The following NCAPH variants were observed in gnomAD, a reference collection of about 807,000 sequenced individuals.
NCAPH encodes the protein condensin complex subunit 2.
NCAPH carries 38 observed loss-of-function variants against 85.5 expected under a neutral mutation model. The observed-to-expected ratio is 0.44, with a 90% CI of 0.34 to 0.58. NCAPH has a LOEUF of 0.58. NCAPH is among the 20% of genes least tolerant of loss of function. The pLI, the probability that NCAPH is intolerant of heterozygous loss-of-function variation, is 0.01. For missense variants in NCAPH, 789 were observed against 916.6 expected (o/e 0.86, Z 1.80); for synonymous variants, 301 against 335.1 (o/e 0.90, Z 1.11).
rs185358237 is a variant in NCAPH, at chr2:96,370,362, C to T, written c.2166+862C>T. 4.6e-4 allele frequency among the ~76,000 whole-genome samples: 70 copies of T among 152,300 alleles called. No homozygotes were observed. The Middle Eastern group carries it at 0.01, about 22-fold the overall frequency. On this transcript the variant is annotated intron_variant, in intron 17 of 17. Transcript: ENST00000240423. Reference sequence around the variant, plus strand: ...CACTGGAGTGCAGTTACTATGTGAACGCCGAAATGTGGTTTTGGAGGGTGA... The same window carrying T: ...CACTGGAGTGCAGTTACTATGTGAATGCCGAAATGTGGTTTTGGAGGGTGA...
At chr2:96,369,399 C>G (rs1271025297) in intron 16 of NCAPH, 26 bp from the exon 17 acceptor site, 3 of 1,600,404 alleles carry the variant, frequency 1.9e-6, no homozygotes, top group African/African-American at 1.3e-5. Flanking sequence ...TGGCAGTGAC[C>G]TAAATACTTG....
Position 96,375,739 on chromosome 2 carries a change from C to T in NCAPH, c.*2388C>T, listed in dbSNP as rs1422171935. 1.3e-5 allele frequency among the ~76,000 whole-genome samples: 2 copies of T among 152,112 alleles called. No individual in the cohort carries two copies. The highest frequency in any genetic ancestry group is 4.8e-5 in the African/African-American group (2 of 41,416). On this transcript the variant is annotated 3_prime_UTR_variant, in exon 18 of 18. Transcript: ENST00000240423. ...GTGTTCTAGGACTGGTGTGACAGTT[C>T]CATGAAATTATGAGAGACCGGGGAT...
intron 1 of NCAPH, 23 bp from the exon 2 acceptor site, chr2:96,341,619 C>G: frequency 6.2e-7 from 1 of 1,603,650 alleles, no homozygotes; most frequent in Non-Finnish European, 8.5e-7. Flanking sequence ...TTGAAGGTTT[C>G]TTGAGCAAGA....
At chr2:96,351,717 G>A in intron 6 of NCAPH, 114 bp from the exon 7 acceptor site, 1 of 710,528 alleles carries the variant, frequency 1.4e-6, no homozygotes, top group South Asian at 3.7e-5. Flanking sequence ...CATGAGTGGA[G>A]ATATTTCAGT....
intron 11 of NCAPH, 85 bp downstream of exon 11, chr2:96,360,334 T>C (rs767026870): frequency 1.1e-4 from 103 of 900,606 alleles, no homozygotes; most frequent in Admixed American, 5.3e-4. Context: ...AATTTAACTG[T>C]TAGAGCAAAC....
In NCAPH at chr2:96,367,160, C is replaced by T. The variant is rs529600482; in HGVS notation, c.1882-97C>T. 4 of 792,910 alleles carry T rather than the reference C, an allele frequency of 5.0e-6. No homozygotes were observed. In the East Asian group the frequency reaches 1.1e-4, roughly 21 times the overall value. The allele number at this position is 792,910 out of a possible 1,614,324, so 49.1% of individuals were successfully genotyped here. On this transcript the variant is annotated intron_variant, in intron 14 of 17. Transcript: ENST00000240423. The stretch of plus-strand genomic sequence containing the variant: ...TAGCTCCTTGGTTGAAACTGGATTC[C>T]TTCTTTAGTTGAACTCCAGACCTTT...
chr2:96,337,586 A>C (rs1044765298), intron 1 of NCAPH, among the ~76,000 whole-genome samples: 11 of 151,858 alleles, frequency 7.2e-5, no homozygotes, highest in Admixed American at 7.2e-4. Flanking sequence ...CGCCCAGCTA[A>C]TTTTTTGTAT....
intron 6 of NCAPH, among the ~76,000 whole-genome samples, chr2:96,349,875 A>T (rs1290501722): frequency 2.6e-5 from 4 of 152,242 alleles, no homozygotes; most frequent in African/African-American, 9.6e-5. Context: ...AGGTCAAGGC[A>T]CATGCTATAG....
Position 96,360,663 on chromosome 2 carries a change from T to C in NCAPH, c.1540T>C (p.Tyr514His). 1 of 1,614,172 alleles carries C rather than the reference T, an allele frequency of 6.2e-7. No individual in the cohort carries two copies. Among genetic ancestry groups the C allele is most frequent in the South Asian group, 1.1e-5 (1 of 91,080 alleles). ...RATTLPTDFN[Y>H]NVDTLVQLHL... ...TACCACCCTTCCTACAGATTTCAAC[T>C]ACAATGTTGACACTCTGGTCCAGCT... Residue 514 changes from tyrosine (Y) to histidine (H), a missense_variant, in exon 12 of 18, where the codon TAC (tyrosine) becomes CAC (histidine). Transcript: ENST00000240423.
At chr2:96,349,973 G>A (rs1319291988) in intron 6 of NCAPH, among the ~76,000 whole-genome samples, 1 of 152,202 alleles carries the variant, frequency 6.6e-6, no homozygotes, top group Non-Finnish European at 1.5e-5. Flanking sequence ...TTGTCAGGTA[G>A]GCATTGCCAG....
intron 3 of NCAPH, among the ~76,000 whole-genome samples, chr2:96,342,365 A>G (rs939427131): frequency 1.3e-5 from 2 of 152,336 alleles, no homozygotes; most frequent in Admixed American, 6.5e-5. Flanking sequence ...ATGAGTTAAT[A>G]GTAGAGTTCT....
At position 96,341,874 on chromosome 2, in the gene NCAPH, A is replaced by G. The variant is rs902513122; in HGVS notation, c.252A>G (p.Leu84=). 2.1e-5 allele frequency: 34 copies of G among 1,610,414 alleles called. No individual in the cohort carries two copies. Among genetic ancestry groups the G allele is most frequent in the Non-Finnish European group, 2.7e-5 (32 of 1,178,894 alleles). The change falls in exon 2 of 18, where the codon TTA becomes TTG. Residue 84 remains leucine (L), a synonymous_variant. Transcript: ENST00000240423. Reference sequence around the variant, plus strand: ...AGTTCAGCACTGACTCACCTCGCTTATTGGCCTCCCCCTCCAGCAGGTGAG... The same window carrying G: ...AGTTCAGCACTGACTCACCTCGCTTGTTGGCCTCCCCCTCCAGCAGGTGAG... ...DLQFSTDSPR[L]LASPSSRSID... is the part of the protein sequence containing the mutation.
intron 9 of NCAPH, among the ~76,000 whole-genome samples, chr2:96,357,054 C>T (rs2064534277): frequency 6.6e-6 from 1 of 152,192 alleles, no homozygotes; most frequent in East Asian, 1.9e-4. Context: ...TTCTGTAGTA[C>T]CAGCATGCTT....
intron 1 of NCAPH, among the ~76,000 whole-genome samples, 160 bp downstream of exon 1, chr2:96,336,008 A>G (rs1187311398): frequency 7.3e-6 from 1 of 137,100 alleles, no homozygotes; most frequent in East Asian, 2.3e-4. Context: ...GGGGGAGGGG[A>G]GGGCCGGCGC....
intron 12 of NCAPH, among the ~76,000 whole-genome samples, chr2:96,363,636 CA>C (rs888160532): frequency 1.3e-5 from 2 of 152,078 alleles, no homozygotes; most frequent in African/African-American, 4.8e-5. Context: ...GAAGGACCTG[CA>C]AATATTTGAA....
intron 12 of NCAPH, among the ~76,000 whole-genome samples, chr2:96,360,927 C>A (rs1050109116): frequency 2.0e-5 from 3 of 151,744 alleles, no homozygotes; most frequent in Middle Eastern, 3.4e-3. Flanking sequence ...CCTTACCTGG[C>A]AAGAATGCTG....
intron 14 of NCAPH, among the ~76,000 whole-genome samples, chr2:96,366,876 CAAA>C (rs928006104): frequency 2.7e-5 from 1 of 37,570 alleles, no homozygotes; most frequent in Non-Finnish European, 5.4e-5. Flanking sequence ...GACTCCGTCT[CAAA>C]AAAAAAAAAA....
At position 96,351,943 on chromosome 2, in the gene NCAPH, C is replaced by G. The variant is rs1338680043; in HGVS notation, c.833C>G (p.Ser278Cys). ...QDYRSELLFP[S>C]DVQTLSTGEP... ...TACAGAAGTGAACTGCTGTTTCCCT[C>G]TGATGTCCAGACTCTCTCCACGGGA... The change falls in exon 7 of 18, where the codon TCT becomes TGT. Residue 278 changes from serine to cysteine, a missense_variant. Physicochemically the swap from Ser to Cys is moderately radical, Grantham distance 112. Coordinates refer to ENST00000240423, the MANE Select transcript of NCAPH (RefSeq NM_015341.5). 5.0e-6 allele frequency: 8 copies of G among 1,614,208 alleles called. No individual in the cohort carries two copies. The highest frequency in any genetic ancestry group is 5.9e-6 in the Non-Finnish European group (7 of 1,180,034).
chr2:96,369,325 A>G, intron 16 of NCAPH, 100 bp from the exon 17 acceptor site: 1 of 1,038,910 alleles, frequency 9.6e-7, no homozygotes, highest in Non-Finnish European at 1.5e-6. Context: ...TTTGTTTCTC[A>G]TTAGTTTAGT....
Sources: allele counts gnomAD v4.1 joint callset (sites outside exome capture counted in the v4.1 genomes callset), GRCh38; gene constraint gnomAD v4.1.1; transcripts MANE v1.5; gene names NCBI Gene and HGNC (gene_info 2026-07-23, HGNC 2026-07-21).